Variants in CNTN4 observed in about 807,000 individuals in gnomAD.
CNTN4 encodes the protein contactin 4.
A neutral mutation model predicts 122.5 loss-of-function variants in CNTN4; 77 were observed. The ratio of observed to expected loss-of-function variants is 0.63; its 90% CI spans 0.52 to 0.76. The LOEUF (loss-of-function observed/expected upper bound fraction) is 0.76, where lower values mean the gene tolerates loss of function less well. Ranked by LOEUF, CNTN4 falls within the 30% of genes least tolerant of loss-of-function variation. The pLI, the probability that CNTN4 is intolerant of heterozygous loss-of-function variation, is 0.00. For missense variants in CNTN4, 1,256 were observed against 1,259.1 expected, an observed-to-expected ratio of 1.00 and a Z score of 0.04; for synonymous variants, 512 against 447.0, an observed-to-expected ratio of 1.15 and a Z score of -1.83.
chr3:2,712,537 C>G (rs184813904), intron 4 of CNTN4, among the ~76,000 whole-genome samples: 7 of 152,174 alleles, frequency 4.6e-5, no homozygotes, highest in Admixed American at 6.5e-5. Flanking sequence ...AATACTGAAG[C>G]CTACAGAAAT....
intron 4 of CNTN4, among the ~76,000 whole-genome samples, chr3:2,631,480 A>G (rs1035169626): frequency 6.6e-6 from 1 of 152,100 alleles, no homozygotes; most frequent in Non-Finnish European, 1.5e-5. Context: ...TACAAGACCC[A>G]CCAGTCATCC....
chr3:2,987,577 C>A (rs1200395366), intron 13 of CNTN4, among the ~76,000 whole-genome samples: 1 of 152,198 alleles, frequency 6.6e-6, no homozygotes, highest in Non-Finnish European at 1.5e-5. Context: ...TTTTTTACTT[C>A]TCTGACAAGC....
At chr3:2,332,659 G>A (rs1437432500) in intron 2 of CNTN4, among the ~76,000 whole-genome samples, 1 of 146,618 alleles carries the variant, frequency 6.8e-6, no homozygotes, top group African/African-American at 2.5e-5. Flanking sequence ...CTCATAGGTG[G>A]GAATTGAACA....
intron 8 of CNTN4, among the ~76,000 whole-genome samples, chr3:2,877,058 T>G (rs1228134910): frequency 2.0e-5 from 3 of 152,198 alleles, no homozygotes; most frequent in Non-Finnish European, 2.9e-5. Context: ...TGAGAACCAT[T>G]GTTTTAGGAA....
intron 6 of CNTN4, among the ~76,000 whole-genome samples, chr3:2,809,072 C>G (rs1370053872): frequency 6.6e-6 from 1 of 152,192 alleles, no homozygotes; most frequent in African/African-American, 2.4e-5. Flanking sequence ...TGGCAAGATT[C>G]CTGCCCCACA....
intron 3 of CNTN4, among the ~76,000 whole-genome samples, chr3:2,402,834 T>C (rs2046905168): frequency 6.6e-6 from 1 of 152,156 alleles, no homozygotes; most frequent in Admixed American, 6.6e-5. Context: ...TATATGAAAG[T>C]TCTTTAAGCA....
Position 2,301,230 on chromosome 3 carries a change from ATTAC to A in CNTN4, c.-144-37945_-144-37942del, listed in dbSNP as rs557991699. Among the ~76,000 whole-genome samples, 365 of 152,312 alleles carry A rather than the reference ATTAC, an allele frequency of 2.4e-3. 1 individual carries two copies. The highest frequency in any genetic ancestry group is 3.4e-3 in the Non-Finnish European group (231 of 68,024). On this transcript the variant is annotated intron_variant, in intron 2 of 24. Transcript: ENST00000418658. ...GAAAAAACTTTGTTAGCACACGCTA[ATTAC>A]TTCTGTGATGGGGAGGAAAACAAAA... is the stretch of plus-strand genomic sequence containing the variant.
At chr3:2,152,982 A>C (rs2035561449) in intron 2 of CNTN4, among the ~76,000 whole-genome samples, 1 of 152,190 alleles carries the variant, frequency 6.6e-6, no homozygotes, top group Admixed American at 6.5e-5. Flanking sequence ...AGGGCTGCCC[A>C]TGGAGCCTGC....
chr3:2,729,380 C>CGGTGAAACCTGGTCTCTACTA (rs1559437998), intron 4 of CNTN4, among the ~76,000 whole-genome samples: 3 of 148,432 alleles, frequency 2.0e-5, no homozygotes, highest in African/African-American at 7.6e-5. Context: ...CCGGCTAACA[C>CGGTGAAACCTGGTCTCTACTA]AAAATTAACA....
At chr3:2,809,523 A>C (rs72622140) in intron 6 of CNTN4, among the ~76,000 whole-genome samples, 1 of 152,184 alleles carries the variant, frequency 6.6e-6, no homozygotes, top group African/African-American at 2.4e-5. Context: ...TGAAGGGTCC[A>C]TATTTTATTC....
At chr3:2,756,911 C>T (rs988314569) in intron 6 of CNTN4, among the ~76,000 whole-genome samples, 1 of 152,000 alleles carries the variant, frequency 6.6e-6, no homozygotes, top group Admixed American at 6.6e-5. Flanking sequence ...TTTTTTTAAG[C>T]CATTCAATCT....
rs962678891 is a variant in CNTN4, at chr3:2,979,805, T to C, written c.1359-8540T>C. Among the ~76,000 whole-genome samples the C allele has an allele frequency of 2.6e-5, 4 of 152,324 alleles. No homozygotes were observed. In the South Asian group the frequency reaches 8.3e-4, roughly 32 times the overall value. On this transcript the variant is annotated intron_variant, in intron 13 of 24. Transcript: ENST00000418658. Reference sequence around the variant, plus strand: ...AGAGAAGTGGTTTTCTAAGTTGTATTCTGAAGGGATTTATTTCTAAGGAAG... The same window carrying C: ...AGAGAAGTGGTTTTCTAAGTTGTATCCTGAAGGGATTTATTTCTAAGGAAG...
chr3:2,250,106 G>A (rs1209705710), intron 2 of CNTN4, among the ~76,000 whole-genome samples: 2 of 151,722 alleles, frequency 1.3e-5, no homozygotes, highest in African/African-American at 2.4e-5. Context: ...TCATTTGATC[G>A]AATAACATTT....
intron 2 of CNTN4, among the ~76,000 whole-genome samples, chr3:2,316,161 A>C (rs1169143422): frequency 6.6e-6 from 1 of 152,112 alleles, no homozygotes; most frequent in Non-Finnish European, 1.5e-5. Context: ...GATTATGGTG[A>C]AATGAACAAA....
intron 14 of CNTN4, among the ~76,000 whole-genome samples, chr3:3,012,270 C>G (rs1380894748): frequency 2.0e-5 from 3 of 152,036 alleles, no homozygotes; most frequent in Non-Finnish European, 4.4e-5. Context: ...CTGTATTCAA[C>G]AAAATATCAG....
intron 12 of CNTN4, among the ~76,000 whole-genome samples, chr3:2,922,608 A>ATTTTTT (rs547782541): frequency 4.9e-4 from 54 of 109,992 alleles, no homozygotes; most frequent in African/African-American, 1.1e-3. Context: ...AAAGAACTTG[A>ATTTTTT]TTTTTTTTTT....
chr3:2,211,480 A>G (rs1413417034), intron 2 of CNTN4, among the ~76,000 whole-genome samples: 2 of 152,100 alleles, frequency 1.3e-5, no homozygotes, highest in African/African-American at 4.8e-5. Context: ...TATGCCCCAC[A>G]TTGATTTTCT....
chr3:2,851,590 G>A (rs4629318), intron 7 of CNTN4, among the ~76,000 whole-genome samples: 21,055 of 152,182 alleles, frequency 0.14, 1,850 homozygotes, highest in East Asian at 0.44. Flanking sequence ...TTCGCTTGGC[G>A]TTTTATTGTT....
chr3:2,437,885 G>A (rs1306471161), intron 3 of CNTN4, among the ~76,000 whole-genome samples: 4 of 152,180 alleles, frequency 2.6e-5, no homozygotes, highest in African/African-American at 4.8e-5. Flanking sequence ...TACTTTACCA[G>A]TTAAGGCATA....
Sources: gnomAD v4.1 joint callset for allele counts (sites outside exome capture counted in the v4.1 genomes callset) on GRCh38, gnomAD v4.1.1 for gene constraint, MANE v1.5 for transcripts, NCBI Gene and HGNC (gene_info 2026-07-23, HGNC 2026-07-21) for gene names.